Variants in MORC2 observed in about 807,000 individuals in gnomAD.
The protein encoded by MORC2 is ATPase MORC2.
In MORC2, 30 loss-of-function variants were observed where a neutral mutation model predicts 136.0. The ratio of observed to expected loss-of-function variants is 0.22; its 90% CI spans 0.17 to 0.30. The LOEUF is 0.30. Among genes scored for constraint, MORC2 ranks in the 10% least tolerant of loss-of-function variants. MORC2 has a pLI of 1.00. For synonymous variants in MORC2, 439 were observed against 487.0 expected, an observed-to-expected ratio of 0.90 and a Z score of 1.30; for missense variants, 922 against 1,333.1, an observed-to-expected ratio of 0.69 and a Z score of 4.80.
intron 6 of MORC2, 55 bp downstream of exon 6, chr22:30,946,286 T>C: frequency 6.9e-7 from 1 of 1,445,728 alleles, no homozygotes; most frequent in Non-Finnish European, 9.6e-7. Flanking sequence ...GAAAACCGCC[T>C]GGGCAGACTC....
At position 30,936,662 on chromosome 22, in the gene MORC2, A is replaced by G; in HGVS notation, c.1605-19T>C. On this transcript the variant is annotated intron_variant, in intron 16 of 25. Transcript: ENST00000397641. ...CTCACACCTGTAGAGACAAGGTACTACAGAGGTCGTGGCAAACAGAGCGCC... is the reference window on the plus strand; with the variant it reads ...CTCACACCTGTAGAGACAAGGTACTGCAGAGGTCGTGGCAAACAGAGCGCC... 1.2e-6 allele frequency: 2 copies of G among 1,610,720 alleles called. No individual in the cohort carries two copies. The highest frequency in any genetic ancestry group is 8.5e-7 in the Non-Finnish European group (1 of 1,178,930).
Position 30,968,380 on chromosome 22 carries a change from G to C in MORC2, c.-491C>G, listed in dbSNP as rs1016407462. 1 of 154,234 alleles carries C rather than the reference G, an allele frequency of 6.5e-6. No individual in the cohort carries two copies. The highest frequency in any genetic ancestry group is 2.4e-5 in the African/African-American group (1 of 41,436). The allele number at this position is 154,234 out of a possible 1,614,324, so 9.6% of individuals were successfully genotyped here. ...CATGTCTTCGCCACACGTGATGCCAGGATTCTTAAACAGGCCCAAGACCGG... is the reference window on the plus strand; with the variant it reads ...CATGTCTTCGCCACACGTGATGCCACGATTCTTAAACAGGCCCAAGACCGG... On this transcript the variant is annotated 5_prime_UTR_variant, in exon 1 of 26. Coordinates refer to ENST00000397641, the MANE Select transcript of MORC2 (RefSeq NM_001303256.3).
chr22:30,934,386 G>A lies in MORC2; in HGVS notation c.2194-195C>T, dbSNP rs968923483. 6.6e-6 allele frequency among the ~76,000 whole-genome samples: 1 copy of A among 152,126 alleles called. No individual in the cohort carries two copies. The highest frequency in any genetic ancestry group is 2.1e-4 in the South Asian group (1 of 4,828). Reference sequence around the variant, plus strand: ...GGATTTTTGCTCAAAGCTATCATAGGAGAAGCTTCTCAATTCCCTTCCCAC... The same window carrying A: ...GGATTTTTGCTCAAAGCTATCATAGAAGAAGCTTCTCAATTCCCTTCCCAC... On this transcript the variant is annotated intron_variant, in intron 19 of 25. Coordinates refer to ENST00000397641, the MANE Select transcript of MORC2 (RefSeq NM_001303256.3). The surrounding 1 kb of genome is among the most constrained non-coding windows in gnomAD (Gnocchi z 4.4).
At chr22:30,929,606 G>A (rs1383698827) in intron 24 of MORC2, among the ~76,000 whole-genome samples, 2 of 152,112 alleles carry the variant, frequency 1.3e-5, no homozygotes, top group Non-Finnish European at 2.9e-5. Context: ...AAATTAGCCA[G>A]GCGTGGTGGC....
intron 21 of MORC2, 64 bp downstream of exon 21, chr22:30,933,402 G>C: frequency 1.3e-6 from 2 of 1,560,520 alleles, no homozygotes; most frequent in African/African-American, 2.7e-5. Flanking sequence ...TGCTGGTAAG[G>C]GGCTCCACTT....
rs761923113 is a variant in MORC2 at position 30,935,266 on chromosome 22, G to A, written c.1794C>T (p.Thr598=). The A allele has an allele frequency of 5.0e-6, 8 of 1,613,656 alleles. No individual in the cohort carries two copies. Among genetic ancestry groups the A allele is most frequent in the Non-Finnish European group, 6.8e-6 (8 of 1,179,888 alleles). ...ADLKKLPLEV[T]TRPSTEEPVR... ...ACTTCACCTCAGTGGAAGGTCTGGTGGTCACTTCCAAGGGCAATTTCTTCA... is the reference window on the plus strand; with the variant it reads ...ACTTCACCTCAGTGGAAGGTCTGGTAGTCACTTCCAAGGGCAATTTCTTCA... The change falls in exon 18 of 26, where the codon ACC becomes ACT. Residue 598 remains threonine (T), a synonymous_variant. Coordinates refer to ENST00000397641, the MANE Select transcript of MORC2 (RefSeq NM_001303256.3).
intron 5 of MORC2, 55 bp downstream of exon 5, chr22:30,949,697 G>A: frequency 2.9e-6 from 4 of 1,381,978 alleles, no homozygotes; most frequent in Non-Finnish European, 3.1e-6. Flanking sequence ...AAGAGAAGCA[G>A]GACAGCATTG....
At chr22:30,955,943 G>A (rs1238222689) in intron 3 of MORC2, among the ~76,000 whole-genome samples, 1 of 148,834 alleles carries the variant, frequency 6.7e-6, no homozygotes, top group Non-Finnish European at 1.5e-5. Context: ...GGAGATGGAG[G>A]TTGCAGTGAG....
In MORC2 at chr22:30,937,732, C is replaced by T. The variant is rs775163100; in HGVS notation, c.1370-21G>A. ...CTGGGCTGGAAAGCAAACACCGATACATCATGTTAGGAGCCAGCCTCTCTC... is the reference window on the plus strand; with the variant it reads ...CTGGGCTGGAAAGCAAACACCGATATATCATGTTAGGAGCCAGCCTCTCTC... On this transcript the variant is annotated intron_variant, in intron 14 of 25. Coordinates refer to ENST00000397641, the MANE Select transcript of MORC2 (RefSeq NM_001303256.3). This position sits in a 1 kb window ranked among gnomAD's most constrained non-coding sequence, Gnocchi z 4.7. 6.2e-7 allele frequency: 1 copy of T among 1,614,016 alleles called. No homozygotes were observed. Among genetic ancestry groups the T allele is most frequent in the South Asian group, 1.1e-5 (1 of 91,056 alleles).
chr22:30,949,940 G>A (rs2147285170), intron 4 of MORC2, 98 bp from the exon 5 acceptor site: 2 of 1,078,998 alleles, frequency 1.9e-6, no homozygotes, highest in African/African-American at 1.6e-5. Flanking sequence ...AAGCAGGGGT[G>A]TGTATCTGCT....
At chr22:30,936,448 G>T in intron 17 of MORC2, 63 bp downstream of exon 17, 1 of 1,593,158 alleles carries the variant, frequency 6.3e-7, no homozygotes. Flanking sequence ...GCTACTGAAG[G>T]TTCCTGTCAC....
In MORC2 at chr22:30,934,696, C is replaced by T. The variant is rs1249133623; in HGVS notation, c.2193+85G>A. 6 of 1,524,430 alleles carry T rather than the reference C, an allele frequency of 3.9e-6. No homozygotes were observed. Among genetic ancestry groups the T allele is most frequent in the Non-Finnish European group, 5.3e-6 (6 of 1,123,570 alleles). The allele number at this position is 1,524,430 out of a possible 1,614,324, so 94.4% of individuals were successfully genotyped here. A position where few individuals can be genotyped will look rare whatever the true frequency, so the allele number is the denominator to read the frequency against. On this transcript the variant is annotated intron_variant, in intron 19 of 25. Transcript: ENST00000397641. This position sits in a 1 kb window ranked among gnomAD's most constrained non-coding sequence, Gnocchi z 4.4. ...TTAGATTCAGTATCTTCCGAAGGCT[C>T]CCCCAGTACAGCTGTGACACTGCAC...
chr22:30,931,391 C>T (rs1480964869), intron 24 of MORC2, among the ~76,000 whole-genome samples: 1 of 152,116 alleles, frequency 6.6e-6, no homozygotes, highest in East Asian at 1.9e-4. Context: ...GCCAACTGGC[C>T]CTCTACAGAA....
Position 30,952,315 on chromosome 22 carries a change from C to T in MORC2, c.158-1870G>A, listed in dbSNP as rs531783123. On this transcript the variant is annotated intron_variant, in intron 3 of 25. Transcript: ENST00000397641. ...GTGCATGAAGACTCTGCTTTGGGAT[C>T]TAGAAATTGATTCAAGCCAAGCACC... Among the ~76,000 whole-genome samples, 45 of 152,304 alleles carry T rather than the reference C, an allele frequency of 3.0e-4. 1 individual carries two copies. The highest frequency in any genetic ancestry group is 1.1e-3 in the African/African-American group (44 of 41,566).
chr22:30,947,131 G>A (rs2147278592), intron 5 of MORC2, among the ~76,000 whole-genome samples: 1 of 152,316 alleles, frequency 6.6e-6, no homozygotes, highest in Non-Finnish European at 1.5e-5. Context: ...CCAATAACTG[G>A]AGCTATCTCC....
At chr22:30,946,552 G>T in intron 5 of MORC2, 103 bp from the exon 6 acceptor site, 3 of 1,041,412 alleles carry the variant, frequency 2.9e-6, no homozygotes, top group Non-Finnish European at 4.2e-6. Flanking sequence ...CCACTGGAGG[G>T]CTCTCCTAAA....
Position 30,938,145 on chromosome 22 carries a change from A to G in MORC2, c.1134T>C (p.Asp378=), listed in dbSNP as rs941958866. The G allele has an allele frequency of 1.9e-6, 3 of 1,614,082 alleles. No homozygotes were observed. Among genetic ancestry groups the G allele is most frequent in the Non-Finnish European group, 2.5e-6 (3 of 1,180,014 alleles). Residue 378 remains aspartate (D), a synonymous_variant, in exon 13 of 26, where the codon GAT becomes GAC. Coordinates refer to ENST00000397641, the MANE Select transcript of MORC2 (RefSeq NM_001303256.3). ...AGTTGTAGATGAACATGCCATCCAG[A>G]TCCCGGTGTTCAATGTTGACACCAA... ...FVFGVNIEHR[D]LDGMFIYNCS...
chr22:30,934,111 C>T lies in MORC2; in HGVS notation c.2274G>A (p.Arg758=). 1 of 1,614,186 alleles carries T rather than the reference C, an allele frequency of 6.2e-7. No individual in the cohort carries two copies. Among genetic ancestry groups the T allele is most frequent in the Non-Finnish European group, 8.5e-7 (1 of 1,180,034 alleles). ...TCACAACAAATCTGCCCCGCTTGCA[C>T]CTCTCCTTCCTCCTCTCAGCTTCCT... ...VEEEAERRKE[R]CKRGRFVVKE... The change falls in exon 20 of 26, where the codon AGG becomes AGA. Residue 758 remains arginine (R), a synonymous_variant. Coordinates refer to ENST00000397641, the MANE Select transcript of MORC2 (RefSeq NM_001303256.3). The surrounding 1 kb of genome is among the most constrained non-coding windows in gnomAD (Gnocchi z 4.4).
At chr22:30,943,237 G>A (rs1251032124) in intron 6 of MORC2, among the ~76,000 whole-genome samples, 1 of 152,092 alleles carries the variant, frequency 6.6e-6, no homozygotes, top group African/African-American at 2.4e-5. Flanking sequence ...ATTTAAAAAT[G>A]CATACAAGGG....
Sources: allele counts gnomAD v4.1 joint callset (sites outside exome capture counted in the v4.1 genomes callset), GRCh38; gene constraint gnomAD v4.1.1; non-coding constraint Gnocchi (gnomAD v3.1); transcripts MANE v1.5; gene names NCBI Gene and HGNC (gene_info 2026-07-23, HGNC 2026-07-21).